The following PDE1C variants were observed in gnomAD, a reference collection of about 807,000 sequenced individuals.
PDE1C encodes phosphodiesterase 1C, also known as dual specificity calcium/calmodulin-dependent 3',5'-cyclic nucleotide phosphodiesterase 1C.
In PDE1C, 62 loss-of-function variants were observed where a neutral mutation model predicts 93.1. The observed-to-expected ratio is 0.67, with a 90% CI of 0.54 to 0.82. The LOEUF is 0.82. Ranked by LOEUF, PDE1C falls within the 40% of genes least tolerant of loss-of-function variation. PDE1C has a pLI of 0.00. For synonymous variants in PDE1C, 325 were observed against 310.1 expected, an observed-to-expected ratio of 1.05 and a Z score of -0.50; for missense variants, 742 against 884.6, an observed-to-expected ratio of 0.84 and a Z score of 2.04.
At chr7:32,408,651 T>C (rs900955079) in intron 1 of PDE1C, among the ~76,000 whole-genome samples, 1 of 152,110 alleles carries the variant, frequency 6.6e-6, no homozygotes, top group Non-Finnish European at 1.5e-5. Flanking sequence ...TAGCCAGGCA[T>C]GGTAGTGGGT....
chr7:31,796,581 C>A (rs1040535792), intron 16 of PDE1C, among the ~76,000 whole-genome samples: 1 of 151,712 alleles, frequency 6.6e-6, no homozygotes, highest in Non-Finnish European at 1.5e-5. Flanking sequence ...AATGCTAGAA[C>A]CATGAATAAG....
chr7:31,826,136 A>T (rs558111591), intron 12 of PDE1C, among the ~76,000 whole-genome samples: 1 of 152,292 alleles, frequency 6.6e-6, no homozygotes, highest in African/African-American at 2.4e-5. Context: ...CAGTCACATG[A>T]AAACCGGAAG....
chr7:31,828,333 A>G lies in PDE1C; in HGVS notation c.1244T>C (p.Leu415Pro). Residue 415 changes from leucine (L) to proline (P), a missense_variant, in exon 12 of 18, where the codon CTG becomes CCG. By Grantham distance (98) the Leu-to-Pro change is moderately conservative (BLOSUM62 -3). Transcript: ENST00000396191. ...EAELGLPFSP[L>P]CDRKSTMVAQ... ...AACCATAGTGGACTTTCGGTCACAC[A>G]GAGGAGAAAAAGGCAGCCCCAGCTC... 1 of 1,612,622 alleles carries G rather than the reference A, an allele frequency of 6.2e-7. No homozygotes were observed. The highest frequency in any genetic ancestry group is 2.2e-5 in the East Asian group (1 of 44,832).
In PDE1C at chr7:32,206,006, A is replaced by G. The variant is rs563564697; in HGVS notation, c.136+3483T>C. ...AAGTCAGCGAGACCAAGAACCCACC[A>G]GAAGAAACCGATTCTAGACGCAGTA... On this transcript the variant is annotated intron_variant, in intron 2 of 18. Transcript: ENST00000396193. Among the ~76,000 whole-genome samples the G allele has an allele frequency of 1.5e-3, 233 of 152,318 alleles. 7 individuals are homozygous for G. In the South Asian group the frequency reaches 0.045, roughly 30 times the overall value.
chr7:32,119,046 G>T (rs1359562094), intron 3 of PDE1C, among the ~76,000 whole-genome samples: 1 of 152,124 alleles, frequency 6.6e-6, no homozygotes, highest in African/African-American at 2.4e-5. Context: ...GAAGCTCAAA[G>T]GAACCAGCCT....
chr7:32,031,982 G>A (rs1790387449), intron 2 of PDE1C, among the ~76,000 whole-genome samples: 1 of 152,008 alleles, frequency 6.6e-6, no homozygotes, highest in Non-Finnish European at 1.5e-5. Context: ...GAGACTAGAT[G>A]CTTGGCCACC....
At chr7:31,797,015 CT>C (rs1785385549) in intron 16 of PDE1C, among the ~76,000 whole-genome samples, 1 of 151,670 alleles carries the variant, frequency 6.6e-6, no homozygotes. Flanking sequence ...AGTTTAGATA[CT>C]TGTCAAACTA....
chr7:31,626,958 ATTAT>A, the PDE1C span, among the ~76,000 whole-genome samples: 5 of 152,228 alleles, frequency 3.3e-5, no homozygotes, highest in South Asian at 1.0e-3. Context: ...CAGCTTGAAG[ATTAT>A]TTATTTTATT....
intron 2 of PDE1C, among the ~76,000 whole-genome samples, chr7:31,971,511 T>A (rs1810960576): frequency 6.6e-6 from 1 of 152,180 alleles, no homozygotes; most frequent in South Asian, 2.1e-4. Flanking sequence ...AGTGCTTGGC[T>A]TGTAGCAAGA....
At chr7:32,119,206 G>A (rs1799155403) in intron 3 of PDE1C, among the ~76,000 whole-genome samples, 1 of 152,120 alleles carries the variant, frequency 6.6e-6, no homozygotes, top group Non-Finnish European at 1.5e-5. Context: ...GGGATTCTGA[G>A]AAAACTGGAA....
chr7:31,778,100 C>G (rs1008015059), intron 16 of PDE1C, among the ~76,000 whole-genome samples: 2 of 152,198 alleles, frequency 1.3e-5, no homozygotes, highest in Non-Finnish European at 2.9e-5. Context: ...ATCTTGTAAT[C>G]TGGCACTTCA....
chr7:32,123,339 G>A (rs1158518884), intron 3 of PDE1C, among the ~76,000 whole-genome samples: 1 of 151,992 alleles, frequency 6.6e-6, no homozygotes, highest in African/African-American at 2.4e-5. Context: ...TAAAAGAAGA[G>A]ACTTATTTCT....
chr7:32,358,584 A>G (rs1196537824), intron 1 of PDE1C, among the ~76,000 whole-genome samples: 1 of 152,138 alleles, frequency 6.6e-6, no homozygotes, highest in Non-Finnish European at 1.5e-5. Context: ...TTGAGCCTGC[A>G]TGGATAACTC....
chr7:32,019,314 G>A (rs1029075275), intron 2 of PDE1C, among the ~76,000 whole-genome samples: 1 of 152,108 alleles, frequency 6.6e-6, no homozygotes, highest in Non-Finnish European at 1.5e-5. Flanking sequence ...AATCAATTGT[G>A]TTCTGGGCAG....
chr7:31,826,669 G>A (rs1789703495), intron 12 of PDE1C, among the ~76,000 whole-genome samples: 1 of 152,088 alleles, frequency 6.6e-6, no homozygotes, highest in South Asian at 2.1e-4. Context: ...CTCTCTTCTG[G>A]AGAGGCCCCG....
chr7:32,324,372 T>C (rs1783360905), intron 1 of PDE1C, among the ~76,000 whole-genome samples: 1 of 152,202 alleles, frequency 6.6e-6, no homozygotes, highest in Non-Finnish European at 1.5e-5. Flanking sequence ...AACCTCATAA[T>C]TATTCTAAAT....
At chr7:32,036,280 G>A (rs904509601) in intron 2 of PDE1C, among the ~76,000 whole-genome samples, 1 of 152,130 alleles carries the variant, frequency 6.6e-6, no homozygotes, top group African/African-American at 2.4e-5. Context: ...GGGTTTACTA[G>A]GTAACAATAG....
chr7:31,867,059 G>A (rs1003712538), intron 6 of PDE1C, among the ~76,000 whole-genome samples: 2 of 152,070 alleles, frequency 1.3e-5, no homozygotes, highest in Non-Finnish European at 2.9e-5. Context: ...GGGCTCAATA[G>A]TCCTTGTATC....
intron 1 of PDE1C, among the ~76,000 whole-genome samples, chr7:32,369,926 T>A (rs970825755): frequency 1.3e-4 from 20 of 152,214 alleles, no homozygotes; most frequent in African/African-American, 4.6e-4. Flanking sequence ...AGTGTGGTGA[T>A]TCCTCAAGGA....
Sources: gnomAD v4.1 joint callset for allele counts (sites outside exome capture counted in the v4.1 genomes callset) on GRCh38, gnomAD v4.1.1 for gene constraint, MANE v1.5 for transcripts, NCBI Gene and HGNC (gene_info 2026-07-23, HGNC 2026-07-21) for gene names.